Variants in WDR77 observed in about 807,000 individuals in gnomAD.
WDR77 encodes methylosome protein WDR77.
Under a neutral mutation model 44.0 loss-of-function variants are expected in WDR77, and 31 were observed. That is an observed-to-expected ratio of 0.70 (90% confidence interval 0.53 to 0.95). The LOEUF (loss-of-function observed/expected upper bound fraction) is 0.95, where lower values mean the gene tolerates loss of function less well. WDR77 is among the 40% of genes least tolerant of loss of function. The probability of loss-of-function intolerance (pLI) is 0.00; values close to 1 mark genes in which losing one functional copy is unlikely to be tolerated. For missense variants in WDR77, 390 were observed against 423.9 expected (o/e 0.92, Z 0.70); for synonymous variants, 186 against 165.7 (o/e 1.12, Z -0.94).
rs1416314704 is a variant in WDR77, at chr1:111,448,816, A to G, written c.116-12T>C. On this transcript the variant is annotated splice_polypyrimidine_tract_variant and intron_variant, in intron 1 of 9. Coordinates refer to ENST00000235090, the MANE Select transcript of WDR77 (RefSeq NM_024102.4). ...GAGAAGCGCCCCATCTACGGGGGGT[A>G]CAAGCTGTCAGCGCGTGAAGGGTAG... 1 of 1,563,764 alleles carries G rather than the reference A, an allele frequency of 6.4e-7. No homozygotes were observed. The highest frequency in any genetic ancestry group is 2.4e-5 in the East Asian group (1 of 41,538).
chr1:111,444,771 T>C (rs1055329916), intron 4 of WDR77, among the ~76,000 whole-genome samples: 11 of 152,236 alleles, frequency 7.2e-5, no homozygotes, highest in African/African-American at 2.7e-4. Context: ...CTTGTTTCAG[T>C]CACACCACAA....
chr1:111,446,800 C>T, intron 4 of WDR77: 1 of 282,854 alleles, frequency 3.5e-6, no homozygotes, highest in Non-Finnish European at 6.6e-6. Context: ...GGGAAACTGG[C>T]TGGTCTGAAG....
chr1:111,447,201 C>A, intron 3 of WDR77, 57 bp from the exon 4 acceptor site: 1 of 1,598,808 alleles, frequency 6.3e-7, no homozygotes, highest in Non-Finnish European at 8.6e-7. Flanking sequence ...AACATAAAAA[C>A]GTGTTCAAAC....
rs1175407907 is a variant in WDR77 at position 111,449,175 on chromosome 1, C to T, written c.-6G>A. The T allele has an allele frequency of 6.4e-7, 1 of 1,571,100 alleles. No individual in the cohort carries two copies. Among genetic ancestry groups the T allele is most frequent in the Non-Finnish European group, 8.6e-7 (1 of 1,164,964 alleles). ...GGTGGGGTTTCCTTCCGCATCTCCA[C>T]GGTTCCAACTCCAACCTAGACTCAA... On this transcript the variant is annotated 5_prime_UTR_variant, in exon 1 of 10. It adds an upstream start codon to the 5' untranslated region. Transcript: ENST00000235090.
rs562212182 is a variant in WDR77, at chr1:111,449,214, C to T, written c.-45G>A. 126 of 1,537,992 alleles carry T rather than the reference C, an allele frequency of 8.2e-5. 2 individuals are homozygous for T. In the South Asian group the frequency reaches 1.3e-3, roughly 15 times the overall value. ...ACCTAGACTCAAACTGGACGCCGGCCGGAGACTCCGCTCCGGCAGCAAACC... is the reference window on the plus strand; with the variant it reads ...ACCTAGACTCAAACTGGACGCCGGCTGGAGACTCCGCTCCGGCAGCAAACC... On this transcript the variant is annotated 5_prime_UTR_variant, in exon 1 of 10. Coordinates refer to ENST00000235090, the MANE Select transcript of WDR77 (RefSeq NM_024102.4).
At position 111,442,036 on chromosome 1, in the gene WDR77, G is replaced by T. The variant is rs1303706470; in HGVS notation, c.858C>A (p.Ser286Arg). Residue 286 changes from serine to arginine, a missense_variant, in exon 9 of 10, where the codon AGC becomes AGA. Transcript: ENST00000235090. ...EDCSLAVLDSSLSELFRSQAH... is the reference protein window; with the variant it reads ...EDCSLAVLDSRLSELFRSQAH... ...CACTTCACACTTACAACTCAGAAAG[G>T]CTTGAGTCCAGCACAGCAAGTGAGC... The T allele has an allele frequency of 6.2e-7, 1 of 1,613,884 alleles. No individual in the cohort carries two copies. The highest frequency in any genetic ancestry group is 8.5e-7 in the Non-Finnish European group (1 of 1,179,918).
intron 2 of WDR77, among the ~76,000 whole-genome samples, chr1:111,448,197 A>AGGACCGAGTTTG (rs1653132869): frequency 6.9e-6 from 1 of 143,904 alleles, no homozygotes; most frequent in Non-Finnish European, 1.5e-5. Context: ...AAAAAAAAAA[A>AGGACCGAGTTTG]AGCCAAAGCC....
intron 9 of WDR77, 83 bp from the exon 10 acceptor site, chr1:111,441,472 G>A (rs1208090269): frequency 1.4e-6 from 2 of 1,400,744 alleles, no homozygotes; most frequent in Non-Finnish European, 1.9e-6. Flanking sequence ...ACACATCTGG[G>A]GCACATTTTT....
intron 2 of WDR77, 34 bp downstream of exon 2, chr1:111,448,585 G>C (rs1453560797): frequency 6.2e-7 from 1 of 1,610,018 alleles, no homozygotes; most frequent in East Asian, 2.2e-5. Flanking sequence ...CGTTCCACCC[G>C]GGGGTGGGGG....
Position 111,449,079 on chromosome 1 carries a change from A to G in WDR77, c.91T>C (p.Leu31=), listed in dbSNP as rs1048050437. 1.3e-6 allele frequency: 2 copies of G among 1,599,224 alleles called. No individual in the cohort carries two copies. Among genetic ancestry groups the G allele is most frequent in the African/African-American group, 2.7e-5 (2 of 74,024 alleles). Residue 31 remains leucine (L), a synonymous_variant, in exon 1 of 10, where the codon TTG becomes CTG. Coordinates refer to ENST00000235090, the MANE Select transcript of WDR77 (RefSeq NM_024102.4). ...PNAPACMERQ[L]EAARYRSDGA... ...CCGGACCGGTACCGCGCAGCCTCCA[A>G]CTGCCGTTCCATGCAGGCGGGCGCA...
intron 2 of WDR77, 106 bp downstream of exon 2, chr1:111,448,513 C>T: frequency 7.4e-7 from 1 of 1,357,320 alleles, no homozygotes; most frequent in East Asian, 2.3e-5. Flanking sequence ...CTCCTCCAAG[C>T]ACTGAGTATA....
intron 2 of WDR77, 71 bp downstream of exon 2, chr1:111,448,548 C>G (rs1000142370): frequency 6.3e-7 from 1 of 1,590,886 alleles, no homozygotes; most frequent in Non-Finnish European, 8.6e-7. Context: ...GAGCTCAACC[C>G]TACGGTACCC....
intron 2 of WDR77, 98 bp from the exon 3 acceptor site, chr1:111,447,674 G>C (rs1408742331): frequency 7.0e-7 from 1 of 1,420,670 alleles, no homozygotes; most frequent in African/African-American, 1.4e-5. Flanking sequence ...AATTAACAAA[G>C]TAAGTTAGTT....
intron 9 of WDR77, 61 bp from the exon 10 acceptor site, chr1:111,441,450 A>G: frequency 7.0e-7 from 1 of 1,422,638 alleles, no homozygotes; most frequent in Non-Finnish European, 9.3e-7. Context: ...CTGGAGAAAA[A>G]AAGAGAACCC....
At chr1:111,444,334 C>T (rs943249603) in intron 4 of WDR77, among the ~76,000 whole-genome samples, 6 of 151,170 alleles carry the variant, frequency 4.0e-5, no homozygotes, top group Non-Finnish European at 5.9e-5. Context: ...AAAAAAAAAA[C>T]GTATTAGTGA....
intron 9 of WDR77, 38 bp downstream of exon 9, chr1:111,441,987 C>T (rs1348646834): frequency 1.3e-6 from 2 of 1,595,042 alleles, no homozygotes; most frequent in East Asian, 2.2e-5. Context: ...CCACTGCTCC[C>T]CTTCCCTGAT....
In WDR77 at chr1:111,443,409, C is replaced by T. The variant is rs189182890; in HGVS notation, c.620-15G>A. 3.2e-4 allele frequency: 502 copies of T among 1,551,712 alleles called. 2 individuals carry two copies. The East Asian group carries it at 9.1e-3, about 28-fold the overall frequency. ...CGCACTGCAGCCTGCAAAGGAGAGA[C>T]GAGGGTCTGGACCAAAACTCAGAGT... On this transcript the variant is annotated splice_polypyrimidine_tract_variant and intron_variant, in intron 6 of 9. Coordinates refer to ENST00000235090, the MANE Select transcript of WDR77 (RefSeq NM_024102.4).
chr1:111,442,074 G>A lies in WDR77; in HGVS notation c.820C>T (p.Leu274Phe), dbSNP rs1652837915. ...ACAGCAAGTGAGCAGTCTTCACTGA[G>A]AGAGGCCAGGAAGGGAACACTATCA... ...SPHSVPFLASLSEDCSLAVLD... is the reference protein window; with the variant it reads ...SPHSVPFLASFSEDCSLAVLD... The change falls in exon 9 of 10, where the codon CTC becomes TTC. Residue 274 changes from leucine to phenylalanine, a missense_variant. By Grantham distance (22) the Leu-to-Phe change is conservative (BLOSUM62 0). Coordinates refer to ENST00000235090, the MANE Select transcript of WDR77 (RefSeq NM_024102.4). 1.9e-6 allele frequency: 3 copies of A among 1,614,100 alleles called. No individual in the cohort carries two copies. Among genetic ancestry groups the A allele is most frequent in the East Asian group, 4.5e-5 (2 of 44,880 alleles).
intron 6 of WDR77, 165 bp from the exon 7 acceptor site, chr1:111,443,559 G>T: frequency 1.2e-6 from 1 of 841,276 alleles, no homozygotes; most frequent in Non-Finnish European, 1.4e-6. Context: ...TATCCCAGCA[G>T]CCTCCTGCCC....
Sources: gnomAD v4.1 joint callset for allele counts (sites outside exome capture counted in the v4.1 genomes callset) on GRCh38, gnomAD v4.1.1 for gene constraint, MANE v1.5 for transcripts, NCBI Gene and HGNC (gene_info 2026-07-23, HGNC 2026-07-21) for gene names.